Variants in NLRC5 observed in about 807,000 individuals in gnomAD.
NLRC5 encodes NLR family CARD domain containing 5.
A neutral mutation model predicts 206.9 loss-of-function variants in NLRC5; 114 were observed. That is an observed-to-expected ratio of 0.55 (90% confidence interval 0.47 to 0.64). The LOEUF is 0.64. NLRC5 is among the 30% of genes least tolerant of loss of function. The probability of loss-of-function intolerance (pLI) is 0.00; values close to 1 mark genes in which losing one functional copy is unlikely to be tolerated. For synonymous variants in NLRC5, 952 were observed against 962.8 expected (o/e 0.99, Z 0.21); for missense variants, 2,008 against 2,305.5 (o/e 0.87, Z 2.64).
At chr16:57,009,421 G>A (rs567820013) in intron 1 of NLRC5, among the ~76,000 whole-genome samples, 1 of 151,910 alleles carries the variant, frequency 6.6e-6, no homozygotes, top group Non-Finnish European at 1.5e-5. Context: ...GTGAAACCCC[G>A]TCTCTACTAA....
At chr16:57,043,443 T>G (rs2063534746) in intron 19 of NLRC5, 72 bp from the exon 20 acceptor site, 10 of 918,440 alleles carry the variant, frequency 1.1e-5, no homozygotes, top group South Asian at 6.4e-5. Flanking sequence ...TCCCCCGCCC[T>G]GTGCCCTGAC....
rs767784473 is a variant in NLRC5 at position 57,029,861 on chromosome 16, G to A, written c.2327+5G>A. On this transcript the variant is annotated splice_donor_5th_base_variant and intron_variant, in intron 9 of 48. Coordinates refer to ENST00000688547, the MANE Select transcript of NLRC5 (RefSeq NM_001384950.1). ...ACCACGGCTCCGGAAGCTTGAGTAA[G>A]TGATCTTTCCACTGCCTCTGCAGCC... 1.2e-6 allele frequency: 2 copies of A among 1,613,866 alleles called. No individual in the cohort carries two copies. Among genetic ancestry groups the A allele is most frequent in the Non-Finnish European group, 1.7e-6 (2 of 1,179,710 alleles).
rs139464068 is a variant in NLRC5, at chr16:57,036,395, T to G, written c.2711+212T>G. Among the ~76,000 whole-genome samples the G allele has an allele frequency of 2.0e-5, 3 of 152,304 alleles. No homozygotes were observed. The East Asian group carries it at 5.8e-4, about 29-fold the overall frequency. ...CAATCATCTAGCACCCTTACATGTGTAAAATGCGTTCATTATACATCAGTG... is the reference window on the plus strand; with the variant it reads ...CAATCATCTAGCACCCTTACATGTGGAAAATGCGTTCATTATACATCAGTG... On this transcript the variant is annotated intron_variant, in intron 14 of 48. Coordinates refer to ENST00000688547, the MANE Select transcript of NLRC5 (RefSeq NM_001384950.1).
At chr16:57,059,207 G>A in intron 29 of NLRC5, 146 bp downstream of exon 29, 3 of 1,534,540 alleles carry the variant, frequency 2.0e-6, no homozygotes, top group Non-Finnish European at 2.6e-6. Context: ...GAATCTCAGG[G>A]TTTCCTGGGC....
intron 1 of NLRC5, among the ~76,000 whole-genome samples, chr16:57,002,587 C>G (rs1338289315): frequency 3.3e-5 from 5 of 151,936 alleles, no homozygotes; most frequent in African/African-American, 1.2e-4. Flanking sequence ...TGGGTATATA[C>G]CTAGCAGTGG....
At chr16:57,065,002 CACA>C (rs2066931106) in intron 32 of NLRC5, among the ~76,000 whole-genome samples, 1 of 152,106 alleles carries the variant, frequency 6.6e-6, no homozygotes, top group African/African-American at 2.4e-5. Flanking sequence ...TTTGGATTGT[CACA>C]ACAATAGTTG....
Position 57,026,289 on chromosome 16 carries a change from CT to C in NLRC5, c.1347del (p.His451ThrfsTer15), listed in dbSNP as rs2061266475. The C allele has an allele frequency of 2.5e-6, 4 of 1,614,098 alleles. No homozygotes were observed. The highest frequency in any genetic ancestry group is 3.4e-6 in the Non-Finnish European group (4 of 1,180,046). ...YMQMVLALSPPGHLPTSSLLD... is the reference protein window; with the variant it reads ...YMQMVLALSPXGHLPTSSLLD... ...CAGATGGTGCTCGCCCTCAGCCCCC[CT>C]GGGCACTTGCCCACCTCGTCCCTAC... On this transcript the variant is annotated frameshift_variant, in exon 6 of 49. Coordinates refer to ENST00000688547, the MANE Select transcript of NLRC5 (RefSeq NM_001384950.1). LOFTEE classifies it high-confidence loss of function.
chr16:57,023,899 C>T (rs199475969), intron 5 of NLRC5, 46 bp downstream of exon 5: 1 of 1,551,122 alleles, frequency 6.4e-7, no homozygotes, highest in Non-Finnish European at 8.8e-7. Flanking sequence ...GATGGGGTTG[C>T]CTGGGGGCCA....
intron 36 of NLRC5, among the ~76,000 whole-genome samples, chr16:57,068,402 G>A (rs1404150748): frequency 6.6e-6 from 1 of 150,658 alleles, no homozygotes; most frequent in East Asian, 1.9e-4. Flanking sequence ...CTGCACTCTA[G>A]CCTAGGTGAC....
At chr16:57,056,577 T>G (rs879690825) in intron 27 of NLRC5, among the ~76,000 whole-genome samples, 5 of 151,670 alleles carry the variant, frequency 3.3e-5, no homozygotes, top group Non-Finnish European at 5.9e-5. Context: ...GCCGCTGTGC[T>G]TGGAATGTAT....
intron 1 of NLRC5, among the ~76,000 whole-genome samples, chr16:57,009,253 T>C (rs1388711035): frequency 6.6e-6 from 1 of 151,532 alleles, no homozygotes; most frequent in East Asian, 1.9e-4. Context: ...ACCTTGCCAT[T>C]GCTCTCCAGC....
At chr16:57,038,787 T>A (rs2062916858) in intron 15 of NLRC5, among the ~76,000 whole-genome samples, 2 of 151,766 alleles carry the variant, frequency 1.3e-5, no homozygotes, top group South Asian at 4.2e-4. Flanking sequence ...ATACAAAAAC[T>A]AGCTGGGCAT....
intron 1 of NLRC5, among the ~76,000 whole-genome samples, chr16:56,994,206 G>A (rs770833191): frequency 6.7e-6 from 1 of 150,248 alleles, no homozygotes; most frequent in Non-Finnish European, 1.5e-5. Flanking sequence ...GGGGTGGAGG[G>A]AGGGGAGAAG....
chr16:57,023,368 C>G (rs1398972903), intron 4 of NLRC5, among the ~76,000 whole-genome samples: 1 of 152,150 alleles, frequency 6.6e-6, no homozygotes, highest in Non-Finnish European at 1.5e-5. Context: ...TGATAAAACC[C>G]TAACAGAGGA....
At chr16:57,071,766 TGTGA>T (rs1288853653) in intron 38 of NLRC5, among the ~76,000 whole-genome samples, 2 of 106,108 alleles carry the variant, frequency 1.9e-5, no homozygotes, top group African/African-American at 3.9e-5. Context: ...AGGGAAGAGT[TGTGA>T]GTGAGTGGTG....
chr16:57,046,649 C>A lies in NLRC5; in HGVS notation c.3338+8C>A, dbSNP rs370228325. ...CATCCCCAGGAGCCTCTGGTACTGT[C>A]CCAGCCCTTCTTGTTTGGGGGTAAC... On this transcript the variant is annotated splice_region_variant and intron_variant, in intron 22 of 48. Coordinates refer to ENST00000688547, the MANE Select transcript of NLRC5 (RefSeq NM_001384950.1). The A allele has an allele frequency of 5.0e-6, 8 of 1,611,246 alleles. No homozygotes were observed. The South Asian group carries it at 8.8e-5, about 18-fold the overall frequency.
chr16:57,047,760 C>A (rs575256406), intron 23 of NLRC5, 132 bp downstream of exon 23: 1 of 751,446 alleles, frequency 1.3e-6, no homozygotes, highest in South Asian at 1.6e-5. Context: ...CCATGAGAGT[C>A]CCCTGGCCTT....
chr16:57,072,370 T>G (rs75574528), intron 38 of NLRC5, among the ~76,000 whole-genome samples: 4,926 of 152,266 alleles, frequency 0.032, 274 homozygotes, highest in African/African-American at 0.11. Flanking sequence ...GCACAAAATA[T>G]TCTCCTCACT....
chr16:57,081,483 T>C, intron 47 of NLRC5, 44 bp from the exon 48 acceptor site: 1 of 1,580,688 alleles, frequency 6.3e-7, no homozygotes, highest in South Asian at 1.1e-5. Flanking sequence ...CCCATTCTCA[T>C]GGCCGTGTTT....
Sources: gnomAD v4.1 joint callset for allele counts (sites outside exome capture counted in the v4.1 genomes callset) on GRCh38, gnomAD v4.1.1 for gene constraint, MANE v1.5 for transcripts, NCBI Gene and HGNC (gene_info 2026-07-23, HGNC 2026-07-21) for gene names.